PRRG2: variants seen among roughly 807,000 people sequenced by gnomAD.
PRRG2 encodes proline rich and Gla domain 2, also known as transmembrane gamma-carboxyglutamic acid protein 2.
In PRRG2, 23 loss-of-function variants were observed where a neutral mutation model predicts 27.1. The ratio of observed to expected loss-of-function variants is 0.85; its 90% CI spans 0.61 to 1.20. The LOEUF is 1.20. Among genes scored for constraint, PRRG2 ranks in the 50% most tolerant of loss-of-function variants. The pLI is 0.00. For missense variants in PRRG2, 276 were observed against 254.8 expected (o/e 1.08, Z -0.57); for synonymous variants, 104 against 103.4 (o/e 1.01, Z -0.03).
chr19:49,584,087 G>A (rs1201234148), intron 4 of PRRG2, 135 bp downstream of exon 4: 3 of 899,248 alleles, frequency 3.3e-6, no homozygotes, highest in African/African-American at 1.7e-5. Flanking sequence ...TCTGAAGCTG[G>A]CTGCTAAAGG....
In PRRG2 at chr19:49,590,518, G is replaced by C; in HGVS notation, c.*129G>C. ...GAATGGTGGGAGTAGGGGTCATCCG[G>C]CCCGAGGCCTGCCCTGGCACACGCG... On this transcript the variant is annotated 3_prime_UTR_variant, in exon 7 of 7. Transcript: ENST00000246794. 7.6e-7 allele frequency: 1 copy of C among 1,318,824 alleles called. No individual in the cohort carries two copies. Among genetic ancestry groups the C allele is most frequent in the Non-Finnish European group, 1.1e-6 (1 of 937,202 alleles). 81.7% of individuals were successfully genotyped at this position (1,318,824 alleles called of 1,614,324 possible). A position where few individuals can be genotyped will look rare whatever the true frequency, so the allele number is the denominator to read the frequency against.
At chr19:49,584,040 T>A (rs2080650020) in intron 4 of PRRG2, 88 bp downstream of exon 4, 1 of 1,367,620 alleles carries the variant, frequency 7.3e-7, no homozygotes. Flanking sequence ...CACCCCAAAT[T>A]AGGTACAAGA....
In PRRG2 at chr19:49,589,989, C is replaced by A. The variant is rs886730345; in HGVS notation, c.527C>A (p.Pro176His). The A allele has an allele frequency of 6.6e-7, 1 of 1,507,698 alleles. No individual in the cohort carries two copies. The highest frequency in any genetic ancestry group is 1.4e-5 in the African/African-American group (1 of 71,964). 93.4% of individuals were successfully genotyped at this position (1,507,698 alleles called of 1,614,324 possible). ...CCCCCACCCCCACCCCCAGGCCTCCCCACCTATGAGCAGGCGCTGGCAGCC... is the reference window on the plus strand; with the variant it reads ...CCCCCACCCCCACCCCCAGGCCTCCACACCTATGAGCAGGCGCTGGCAGCC... ...PPPPPPPPGLPTYEQALAASG... is the reference protein window; with the variant it reads ...PPPPPPPPGLHTYEQALAASG... Residue 176 changes from proline to histidine, a missense_variant, in exon 6 of 7, where the codon CCC becomes CAC. By Grantham distance (77) the Pro-to-His change is moderately conservative. Coordinates refer to ENST00000246794, the MANE Select transcript of PRRG2 (RefSeq NM_000951.3).
rs778928178 is a variant in PRRG2, at chr19:49,589,123, C to CT, written c.437+512dup. On this transcript the variant is annotated intron_variant, in intron 5 of 6. Coordinates refer to ENST00000246794, the MANE Select transcript of PRRG2 (RefSeq NM_000951.3). ...TTGGCCTGCCTCTCTACAGGGCTGT[C>CT]TTTTTTTTTTTTTTTTTTTTTGAGA... is the stretch of plus-strand genomic sequence containing the variant. Among the ~76,000 whole-genome samples, 675 of 106,050 alleles carry CT rather than the reference C, an allele frequency of 6.4e-3. 13 individuals are homozygous for CT. Among genetic ancestry groups the CT allele is most frequent in the East Asian group, 0.023 (90 of 3,838 alleles). 69.6% of individuals were successfully genotyped at this position (106,050 alleles called of 152,430 possible).
chr19:49,582,731 G>GGT (rs1281558021), intron 1 of PRRG2, among the ~76,000 whole-genome samples: 1 of 152,006 alleles, frequency 6.6e-6, no homozygotes, highest in Non-Finnish European at 1.5e-5. Context: ...AGCCGGGCAT[G>GGT]GTGGCCGGCA....
chr19:49,586,072 CAAAA>C (rs1171500009), intron 4 of PRRG2, among the ~76,000 whole-genome samples: 101 of 56,940 alleles, frequency 1.8e-3, no homozygotes, highest in African/African-American at 6.5e-3. Flanking sequence ...AGAGTGTCTC[CAAAA>C]AAAAAAAAAA....
intron 4 of PRRG2, among the ~76,000 whole-genome samples, chr19:49,584,467 G>A (rs182268621): frequency 2.3e-3 from 353 of 151,980 alleles, no homozygotes; most frequent in Non-Finnish European, 3.3e-3. Context: ...ACCGCGCCAG[G>A]CCTTTAATTA....
At chr19:49,581,249 C>T (rs1474260487), upstream of PRRG2, 1 of 152,132 alleles carries the variant, frequency 6.6e-6, no homozygotes, top group Admixed American at 6.6e-5. Flanking sequence ...CCTTTAAGTC[C>T]TTTATCCCAA....
Position 49,583,547 on chromosome 19 carries a change from T to C in PRRG2, c.91T>C (p.Phe31Leu). 6.2e-7 allele frequency: 1 copy of C among 1,614,086 alleles called. No individual in the cohort carries two copies. Residue 31 changes from phenylalanine (F) to leucine (L), a missense_variant, in exon 3 of 7, where the codon TTC becomes CTC. Physicochemically the swap from Phe to Leu is conservative, Grantham distance 22. Transcript: ENST00000246794. ...CCTCATGTCTTTGGGTCCAGAAGTC[T>C]TCCTGGGTCCCCCAGAGGCCCAGAG... ...SPSEETDQEVFLGPPEAQSFL... is the reference protein window; with the variant it reads ...SPSEETDQEVLLGPPEAQSFL...
At position 49,581,368 on chromosome 19, in the gene PRRG2, GC is replaced by G. The variant is rs1168599785; in HGVS notation, c.-126del. 4 of 152,240 alleles carry G rather than the reference GC, an allele frequency of 2.6e-5. No homozygotes were observed. The highest frequency in any genetic ancestry group is 6.5e-5 in the Admixed American group (1 of 15,270). 9.4% of individuals were successfully genotyped at this position (152,240 alleles called of 1,614,324 possible). ...ATCAGGCCTGGTTACCGGGAGTGGGGCGCCCCTCCTCCTTATCCCCTCCCCT... is the reference window on the plus strand; with the variant it reads ...ATCAGGCCTGGTTACCGGGAGTGGGGGCCCCTCCTCCTTATCCCCTCCCCT... On this transcript the variant is annotated 5_prime_UTR_variant, in exon 1 of 7. Coordinates refer to ENST00000246794, the MANE Select transcript of PRRG2 (RefSeq NM_000951.3).
Position 49,590,017 on chromosome 19 carries a change from T to A in PRRG2, c.555T>A (p.Ser185=). Residue 185 remains serine, a synonymous_variant, in exon 6 of 7, where the codon TCT becomes TCA. Coordinates refer to ENST00000246794, the MANE Select transcript of PRRG2 (RefSeq NM_000951.3). Reference sequence around the variant, plus strand: ...CCTATGAGCAGGCGCTGGCAGCCTCTGGGGTACACGACGCACCTCCACCCC... The same window carrying A: ...CCTATGAGCAGGCGCTGGCAGCCTCAGGGGTACACGACGCACCTCCACCCC... ...LPTYEQALAA[S]GVHDAPPPPY... is the part of the protein sequence containing the mutation. The A allele has an allele frequency of 2.7e-6, 4 of 1,507,998 alleles. No individual in the cohort carries two copies. The highest frequency in any genetic ancestry group is 3.5e-6 in the Non-Finnish European group (4 of 1,130,158). 93.4% of individuals were successfully genotyped at this position (1,507,998 alleles called of 1,614,324 possible). A position where few individuals can be genotyped will look rare whatever the true frequency, so the allele number is the denominator to read the frequency against.
chr19:49,583,914 A>G lies in PRRG2; in HGVS notation c.263A>G (p.Glu88Gly). The G allele has an allele frequency of 6.2e-6, 10 of 1,613,820 alleles. No homozygotes were observed. The highest frequency in any genetic ancestry group is 8.5e-6 in the Non-Finnish European group (10 of 1,179,878). The change falls in exon 4 of 7, where the codon GAG becomes GGG. Residue 88 changes from glutamate to glycine, a missense_variant and splice_region_variant. Glu to Gly is a moderately conservative substitution (Grantham distance 98). Coordinates refer to ENST00000246794, the MANE Select transcript of PRRG2 (RefSeq NM_000951.3). Reference protein sequence around the residue: ...REYFEDNTLTERFWESYIYNG... With the variant: ...REYFEDNTLTGRFWESYIYNG... ...CTTTTCCACTCCTTCCCCCTCAAGG[A>G]GCGCTTTTGGGAGAGCTACATCTAC...
At position 49,590,635 on chromosome 19, in the gene PRRG2, G is replaced by T. The variant is rs551565751; in HGVS notation, c.*246G>T. The T allele has an allele frequency of 6.5e-5, 38 of 580,762 alleles. No individual in the cohort carries two copies. In the East Asian group the frequency reaches 1.1e-3, roughly 16 times the overall value. The allele number at this position is 580,762 out of a possible 1,614,324, so 36.0% of individuals were successfully genotyped here. A position where few individuals can be genotyped will look rare whatever the true frequency, so the allele number is the denominator to read the frequency against. On this transcript the variant is annotated 3_prime_UTR_variant, in exon 7 of 7. Transcript: ENST00000246794. The stretch of plus-strand genomic sequence containing the variant: ...CCCCCACACTCTCCTGACCGTGAGG[G>T]CACTGGTCAGTTCCGCCCCCGTGGT...
chr19:49,583,291 G>A lies in PRRG2; in HGVS notation c.72G>A (p.Glu24=). ...LTTCLDTSPS[E]ETDQEVFLGP... is the part of the protein sequence containing the mutation. The stretch of plus-strand genomic sequence containing the variant: ...CCTGCCTGGATACTTCACCCAGTGA[G>A]GAGACAGACCAAGGTGAGTGTTTGG... The change falls in exon 2 of 7, where the codon GAG becomes GAA. Residue 24 remains glutamate (E), a synonymous_variant. Coordinates refer to ENST00000246794, the MANE Select transcript of PRRG2 (RefSeq NM_000951.3). The A allele has an allele frequency of 6.2e-7, 1 of 1,614,108 alleles. No homozygotes were observed. Among genetic ancestry groups the A allele is most frequent in the Non-Finnish European group, 8.5e-7 (1 of 1,179,970 alleles).
At chr19:49,588,443 TG>T in intron 4 of PRRG2, 53 bp from the exon 5 acceptor site, 2 of 1,543,046 alleles carry the variant, frequency 1.3e-6, no homozygotes, top group Non-Finnish European at 8.7e-7. Context: ...ATTTTGATGT[TG>T]GGGTGGGTGG....
intron 5 of PRRG2, among the ~76,000 whole-genome samples, chr19:49,589,040 C>T (rs1339148848): frequency 2.0e-5 from 3 of 150,798 alleles, no homozygotes; most frequent in African/African-American, 7.3e-5. Context: ...GTGAGGAGTG[C>T]GTCTGTGTTG....
chr19:49,580,961 CAG>C (rs1444700888), upstream of PRRG2, among the ~76,000 whole-genome samples: 1 of 152,168 alleles, frequency 6.6e-6, no homozygotes, highest in Non-Finnish European at 1.5e-5. Context: ...ATTTTACAGA[CAG>C]AGCCATTGGG....
Position 49,590,562 on chromosome 19 carries a change from A to G in PRRG2, c.*173A>G. On this transcript the variant is annotated 3_prime_UTR_variant, in exon 7 of 7. Transcript: ENST00000246794. ...ACACGCGTTTCCGCCGCGTATGGAT[A>G]TACACATGTTTTCGGCAACGTGTTC... 3 of 875,092 alleles carry G rather than the reference A, an allele frequency of 3.4e-6. No homozygotes were observed. Among genetic ancestry groups the G allele is most frequent in the South Asian group, 1.6e-5 (1 of 62,516 alleles). The allele number at this position is 875,092 out of a possible 1,614,324, so 54.2% of individuals were successfully genotyped here.
chr19:49,584,073 G>A lies in PRRG2; in HGVS notation c.301+121G>A. Reference sequence around the variant, plus strand: ...AGAATCGTCTGCCCCCCAATTCTGTGCTCTCTGAAGCTGGCTGCTAAAGGA... The same window carrying A: ...AGAATCGTCTGCCCCCCAATTCTGTACTCTCTGAAGCTGGCTGCTAAAGGA... On this transcript the variant is annotated intron_variant, in intron 4 of 6. Transcript: ENST00000246794. 4 of 1,048,498 alleles carry A rather than the reference G, an allele frequency of 3.8e-6. No homozygotes were observed. In the Admixed American group the frequency reaches 9.0e-5, roughly 24 times the overall value. 64.9% of individuals were successfully genotyped at this position (1,048,498 alleles called of 1,614,324 possible). A position where few individuals can be genotyped will look rare whatever the true frequency, so the allele number is the denominator to read the frequency against.
Sources: allele counts gnomAD v4.1 joint callset (sites outside exome capture counted in the v4.1 genomes callset), GRCh38; gene constraint gnomAD v4.1.1; transcripts MANE v1.5; gene names NCBI Gene and HGNC (gene_info 2026-07-23, HGNC 2026-07-21).